Variants in NFATC2 observed in about 807,000 individuals in gnomAD.
NFATC2 encodes nuclear factor of activated T cells 2.
In NFATC2, 22 loss-of-function variants were observed where a neutral mutation model predicts 87.3. That is an observed-to-expected ratio of 0.25 (90% CI 0.18 to 0.36). The LOEUF is 0.36. Ranked by LOEUF, NFATC2 falls within the 10% of genes least tolerant of loss-of-function variation. NFATC2 has a pLI of 1.00. For missense variants in NFATC2, 1,149 were observed against 1,259.1 expected (o/e 0.91, Z 1.32); for synonymous variants, 565 against 542.2 (o/e 1.04, Z -0.58).
chr20:51,396,038 GTATATATA>G (rs1161908517), intron 10 of NFATC2, among the ~76,000 whole-genome samples: 324 of 20,742 alleles, frequency 0.016, 1 homozygote, highest in Middle Eastern at 0.032. Flanking sequence ...CTCCTAGTAT[GTATATATA>G]TATATATATA....
At chr20:51,555,526 G>A (rs1021348922) in intron 1 of NFATC2, among the ~76,000 whole-genome samples, 5 of 152,066 alleles carry the variant, frequency 3.3e-5, no homozygotes, top group Admixed American at 3.3e-4. Flanking sequence ...CCGGGAGGCA[G>A]AGCTTACAGT....
intron 1 of NFATC2, among the ~76,000 whole-genome samples, chr20:51,561,568 T>TCC (rs113481949): frequency 1.5e-4 from 19 of 126,696 alleles, no homozygotes; most frequent in African/African-American, 3.2e-4. Flanking sequence ...TGTCATTTCT[T>TCC]CCCCCCCCCA....
At chr20:51,473,833 TG>T in intron 5 of NFATC2, 146 bp downstream of exon 5, 1 of 733,546 alleles carries the variant, frequency 1.4e-6, no homozygotes, top group Non-Finnish European at 2.2e-6. Flanking sequence ...CTGTCCCCTC[TG>T]GTCATCTTGG....
intron 1 of NFATC2, among the ~76,000 whole-genome samples, chr20:51,541,373 G>GT (rs767260033): frequency 6.6e-6 from 1 of 152,188 alleles, no homozygotes; most frequent in South Asian, 2.1e-4. Flanking sequence ...GCCTGGTTGG[G>GT]TTTTTTGTTT....
intron 9 of NFATC2, among the ~76,000 whole-genome samples, chr20:51,417,085 G>A (rs1980147186): frequency 6.6e-6 from 1 of 152,088 alleles, no homozygotes; most frequent in Non-Finnish European, 1.5e-5. Context: ...TCACACACGT[G>A]CCTCTAACCA....
chr20:51,455,564 A>G (rs1326617298), intron 5 of NFATC2, among the ~76,000 whole-genome samples: 2 of 150,680 alleles, frequency 1.3e-5, no homozygotes, highest in Non-Finnish European at 2.9e-5. Context: ...ACTTTCAGAT[A>G]CATTATATGT....
intron 5 of NFATC2, among the ~76,000 whole-genome samples, chr20:51,463,136 A>T (rs1400946809): frequency 6.6e-6 from 1 of 152,180 alleles, no homozygotes; most frequent in African/African-American, 2.4e-5. Context: ...CTGCCGACTC[A>T]GGCATCTCCC....
chr20:51,525,618 C>T (rs2076532145), intron 1 of NFATC2, among the ~76,000 whole-genome samples: 1 of 151,632 alleles, frequency 6.6e-6, no homozygotes, highest in South Asian at 2.1e-4. Context: ...GCCTGGACTC[C>T]TTACTCTGAT....
Position 51,432,664 on chromosome 20 carries a change from G to C in NFATC2, c.2125C>G (p.Pro709Ala). 1 of 1,564,114 alleles carries C rather than the reference G, an allele frequency of 6.4e-7. No homozygotes were observed. Among genetic ancestry groups the C allele is most frequent in the Non-Finnish European group, 8.6e-7 (1 of 1,161,338 alleles). ...GACTCGGCCACCATCGGGTGCTGGG[G>C]GTAGTAAGGCTGGCTCCCCAGGCCT... The part of the protein sequence containing the change: ...HGGLGSQPYY[P>A]QHPMVAESPS... Residue 709 changes from proline (P) to alanine (A), a missense_variant, in exon 9 of 11, where the codon CCC becomes GCC. By Grantham distance (27) the Pro-to-Ala change is conservative. Coordinates refer to ENST00000371564, the MANE Select transcript of NFATC2 (RefSeq NM_012340.5). This position sits in a 1 kb window ranked among gnomAD's most constrained non-coding sequence, Gnocchi z 4.6.
chr20:51,561,145 T>A (rs937855282), intron 1 of NFATC2, among the ~76,000 whole-genome samples: 4 of 152,056 alleles, frequency 2.6e-5, no homozygotes, highest in Non-Finnish European at 5.9e-5. Flanking sequence ...TTTTTGCCAT[T>A]ATGTCATAGG....
chr20:51,509,527 G>A (rs948158487), intron 3 of NFATC2, among the ~76,000 whole-genome samples: 4 of 152,142 alleles, frequency 2.6e-5, no homozygotes, highest in South Asian at 2.1e-4. Context: ...CTCCCCAGGA[G>A]GTCCAATGGA....
intron 1 of NFATC2, among the ~76,000 whole-genome samples, chr20:51,536,723 T>G (rs1012862059): frequency 6.6e-6 from 1 of 152,214 alleles, no homozygotes; most frequent in Non-Finnish European, 1.5e-5. Flanking sequence ...GCAAGGCCGA[T>G]GCTCAGTTCT....
upstream of NFATC2, among the ~76,000 whole-genome samples, chr20:51,544,216 T>C (rs2076869486): frequency 6.6e-6 from 1 of 151,956 alleles, no homozygotes; most frequent in African/African-American, 2.4e-5. Context: ...CTTGATCTCC[T>C]GACCTCGTGA....
intron 3 of NFATC2, among the ~76,000 whole-genome samples, chr20:51,492,049 C>G (rs2075900510): frequency 6.6e-6 from 1 of 151,996 alleles, no homozygotes; most frequent in Non-Finnish European, 1.5e-5. Context: ...CCCGGGCTCC[C>G]CTTAGATCTG....
At chr20:51,547,077 C>A (rs750958698), upstream of NFATC2, among the ~76,000 whole-genome samples, 1 of 152,094 alleles carries the variant, frequency 6.6e-6, no homozygotes, top group Admixed American at 6.5e-5. Context: ...CAATTGGGAA[C>A]AACTGGAGAG....
intron 9 of NFATC2, among the ~76,000 whole-genome samples, chr20:51,402,551 A>T (rs1276029470): frequency 6.6e-6 from 1 of 152,106 alleles, no homozygotes; most frequent in East Asian, 1.9e-4. Flanking sequence ...ACAGTAATTC[A>T]AACCCACAAA....
Position 51,407,549 on chromosome 20 carries a change from G to C in NFATC2, c.2723-8819C>G, listed in dbSNP as rs144991759. 2.9e-3 allele frequency among the ~76,000 whole-genome samples: 437 copies of C among 152,328 alleles called. 2 individuals are homozygous for C. Among genetic ancestry groups the C allele is most frequent in the African/African-American group, 9.8e-3 (407 of 41,582 alleles). On this transcript the variant is annotated intron_variant, in intron 9 of 10. Coordinates refer to ENST00000371564, the MANE Select transcript of NFATC2 (RefSeq NM_012340.5). Reference sequence around the variant, plus strand: ...CTGTAGTCCTCAGCTCTGTAGAGCAGATTCCAAGGAAACTGGGAATCACGC... The same window carrying C: ...CTGTAGTCCTCAGCTCTGTAGAGCACATTCCAAGGAAACTGGGAATCACGC...
rs538296084 is a variant in NFATC2, at chr20:51,523,357, G to T, written c.884C>A (p.Pro295His). Residue 295 changes from proline to histidine, a missense_variant, in exon 2 of 11, where the codon CCC becomes CAC. Physicochemically the swap from Pro to His is moderately conservative, Grantham distance 77. Coordinates refer to ENST00000371564, the MANE Select transcript of NFATC2 (RefSeq NM_012340.5). This position sits in a 1 kb window ranked among gnomAD's most constrained non-coding sequence, Gnocchi z 6.9. ...PQDHGSPAGYPPVAGSAVIMD... is the reference protein window; with the variant it reads ...PQDHGSPAGYHPVAGSAVIMD... ...GATCACGGCAGAGCCAGCCACAGGGGGGTACCCAGCCGGGGAGCCGTGGTC... is the reference window on the plus strand; with the variant it reads ...GATCACGGCAGAGCCAGCCACAGGGTGGTACCCAGCCGGGGAGCCGTGGTC... 2 of 1,612,014 alleles carry T rather than the reference G, an allele frequency of 1.2e-6. No homozygotes were observed. Among genetic ancestry groups the T allele is most frequent in the South Asian group, 2.2e-5 (2 of 90,942 alleles).
chr20:51,432,361 C>T lies in NFATC2; in HGVS notation c.2428G>A (p.Val810Met), dbSNP rs983108416. The T allele has an allele frequency of 6.2e-7, 1 of 1,613,352 alleles. No homozygotes were observed. Among genetic ancestry groups the T allele is most frequent in the African/African-American group, 1.3e-5 (1 of 75,062 alleles). ...PSPTNQQASP[V>M]IHYSPTNQQL... ...TGGTTGGTGGGTGAGTAGTGGATCACAGGCGAGGCCTGCTGGTTGGTCGGA... is the reference window on the plus strand; with the variant it reads ...TGGTTGGTGGGTGAGTAGTGGATCATAGGCGAGGCCTGCTGGTTGGTCGGA... Residue 810 changes from valine to methionine, a missense_variant, in exon 9 of 11, where the codon GTG becomes ATG. Around this residue, in one of 3 missense-constraint regions of NFATC2, gnomAD observed 581 missense variants for 649.7 expected, o/e 0.89. Transcript: ENST00000371564. This position sits in a 1 kb window ranked among gnomAD's most constrained non-coding sequence, Gnocchi z 4.6.
Sources: allele counts gnomAD v4.1 joint callset (sites outside exome capture counted in the v4.1 genomes callset), GRCh38; gene constraint gnomAD v4.1.1; regional missense constraint gnomAD v4.1.1; non-coding constraint Gnocchi (gnomAD v3.1); transcripts MANE v1.5; gene names NCBI Gene and HGNC (gene_info 2026-07-23, HGNC 2026-07-21).